Variants in XPO4 observed in about 807,000 individuals in gnomAD.
XPO4 encodes the protein exportin-4.
A neutral mutation model predicts 143.0 loss-of-function variants in XPO4; 39 were observed. That is an observed-to-expected ratio of 0.27 (90% CI 0.21 to 0.36). XPO4 has a LOEUF of 0.36. XPO4 is among the 10% of genes least tolerant of loss of function. The probability of loss-of-function intolerance (pLI) is 1.00; values close to 1 mark genes in which losing one functional copy is unlikely to be tolerated. For missense variants in XPO4, 907 were observed against 1,348.0 expected (o/e 0.67, Z 5.12); for synonymous variants, 439 against 474.0 (o/e 0.93, Z 0.96).
intron 9 of XPO4, among the ~76,000 whole-genome samples, chr13:20,818,846 GT>G (rs1484550986): frequency 6.6e-6 from 1 of 151,650 alleles, no homozygotes; most frequent in Non-Finnish European, 1.5e-5. Context: ...TTGAGATGGA[GT>G]TTCGTTCTTG....
intron 4 of XPO4, among the ~76,000 whole-genome samples, chr13:20,854,252 C>T (rs866453608): frequency 2.6e-5 from 4 of 152,256 alleles, no homozygotes; most frequent in Middle Eastern, 3.4e-3. Context: ...TATCAGTCTG[C>T]GGTCCTAAGC....
At chr13:20,851,393 T>A (rs981438760) in intron 4 of XPO4, 3 of 985,406 alleles carry the variant, frequency 3.0e-6, no homozygotes, top group Non-Finnish European at 3.6e-6. Context: ...TTCCTACTAT[T>A]ACAGTAGTTC....
At chr13:20,790,401 A>G (rs1336754408) in intron 19 of XPO4, 61 bp downstream of exon 19, 1 of 1,271,110 alleles carries the variant, frequency 7.9e-7, no homozygotes, top group African/African-American at 1.5e-5. Context: ...ATTCTTGTCT[A>G]AAGTATCTTT....
intron 22 of XPO4, among the ~76,000 whole-genome samples, 192 bp downstream of exon 22, chr13:20,786,773 C>A (rs906830261): frequency 6.6e-6 from 1 of 152,142 alleles, no homozygotes; most frequent in African/African-American, 2.4e-5. Context: ...AACTGACAAA[C>A]AGCTGTCAGA....
At chr13:20,830,493 C>T (rs1270146929) in intron 6 of XPO4, among the ~76,000 whole-genome samples, 1 of 152,078 alleles carries the variant, frequency 6.6e-6, no homozygotes, top group Non-Finnish European at 1.5e-5. Flanking sequence ...GGTTATACCA[C>T]TAATAATACC....
At chr13:20,873,319 T>C (rs895717225) in intron 1 of XPO4, among the ~76,000 whole-genome samples, 2 of 152,112 alleles carry the variant, frequency 1.3e-5, no homozygotes, top group Non-Finnish European at 2.9e-5. Context: ...TACTAATGAA[T>C]AGATTAACTG....
intron 1 of XPO4, 101 bp downstream of exon 1, chr13:20,902,569 G>T: frequency 7.2e-7 from 1 of 1,388,736 alleles, no homozygotes; most frequent in African/African-American, 1.5e-5. Flanking sequence ...GCTCCCTGCA[G>T]GCCCTTGCCA....
At position 20,822,274 on chromosome 13, in the gene XPO4, T is replaced by C. The variant is rs2137961311; in HGVS notation, c.856A>G (p.Arg286Gly). ...TCTTGTGCCATATCTGAATCTTCTC[T>C]GATTTTTCGATGTACCTGTTAGAAA... ...ELFFTVHRKI[R>G]EDSDMAQDSL... is the part of the protein sequence containing the mutation. The change falls in exon 8 of 23, where the codon AGA (arginine) becomes GGA (glycine). Residue 286 changes from arginine (R) to glycine (G), a missense_variant. Transcript: ENST00000255305. The C allele has an allele frequency of 6.2e-7, 1 of 1,612,268 alleles. No homozygotes were observed. Among genetic ancestry groups the C allele is most frequent in the African/African-American group, 1.3e-5 (1 of 74,920 alleles).
chr13:20,893,915 C>A (rs1297438216), intron 1 of XPO4, among the ~76,000 whole-genome samples: 1 of 152,182 alleles, frequency 6.6e-6, no homozygotes, highest in African/African-American at 2.4e-5. Context: ...ATGATCTTGG[C>A]TCACTGCATT....
At chr13:20,882,102 TC>T (rs1266885209) in intron 1 of XPO4, among the ~76,000 whole-genome samples, 1 of 100,104 alleles carries the variant, frequency 1.0e-5, no homozygotes, top group Admixed American at 1.1e-4. Context: ...AGAGTAAGAC[TC>T]GGTCTCAAAA....
At chr13:20,861,775 CTCTTTTTTTTTT>C (rs2060201762) in intron 3 of XPO4, among the ~76,000 whole-genome samples, 2 of 123,258 alleles carry the variant, frequency 1.6e-5, no homozygotes. Context: ...GCACATTTCT[CTCTTTTTTTTTT>C]TTTTTTTTTT....
intron 6 of XPO4, among the ~76,000 whole-genome samples, chr13:20,841,507 T>C (rs1056153295): frequency 6.6e-6 from 1 of 152,160 alleles, no homozygotes; most frequent in African/African-American, 2.4e-5. Context: ...AGTTGGTTAT[T>C]GGGAGAAAGA....
At chr13:20,791,245 T>TAA (rs2059276508) in intron 18 of XPO4, among the ~76,000 whole-genome samples, 1 of 152,136 alleles carries the variant, frequency 6.6e-6, no homozygotes, top group Non-Finnish European at 1.5e-5. Flanking sequence ...ATACAAATTT[T>TAA]AAAAAGATAC....
chr13:20,794,757 A>G (rs978065692), intron 18 of XPO4, among the ~76,000 whole-genome samples: 1 of 152,118 alleles, frequency 6.6e-6, no homozygotes, highest in Non-Finnish European at 1.5e-5. Flanking sequence ...AAAGAAAGAA[A>G]AAGTTAAGAA....
intron 9 of XPO4, among the ~76,000 whole-genome samples, chr13:20,817,111 G>A (rs2059659276): frequency 6.6e-6 from 1 of 152,200 alleles, no homozygotes; most frequent in South Asian, 2.1e-4. Context: ...CCTTTCATGG[G>A]TGAAGGTGCA....
At chr13:20,793,838 G>A (rs1273953484) in intron 18 of XPO4, among the ~76,000 whole-genome samples, 1 of 152,116 alleles carries the variant, frequency 6.6e-6, no homozygotes, top group Non-Finnish European at 1.5e-5. Context: ...CCTTATTGTT[G>A]GTACAAGTCC....
intron 1 of XPO4, among the ~76,000 whole-genome samples, chr13:20,876,703 G>A (rs765530015): frequency 1.3e-5 from 2 of 152,100 alleles, no homozygotes; most frequent in Admixed American, 1.3e-4. Context: ...TAAATTTAAA[G>A]GCACCATTAA....
chr13:20,875,100 A>G (rs567276686), intron 1 of XPO4, among the ~76,000 whole-genome samples: 2 of 152,366 alleles, frequency 1.3e-5, no homozygotes, highest in East Asian at 3.9e-4. Flanking sequence ...AGAAAACGAT[A>G]GATGTACCAA....
chr13:20,801,176 GGA>G (rs2059427664), intron 13 of XPO4, among the ~76,000 whole-genome samples, 186 bp from the exon 14 acceptor site: 1 of 152,134 alleles, frequency 6.6e-6, no homozygotes, highest in Non-Finnish European at 1.5e-5. Flanking sequence ...TCACGAAGCA[GGA>G]GACAAGATAA....
Sources: gnomAD v4.1 joint callset for allele counts (sites outside exome capture counted in the v4.1 genomes callset) on GRCh38, gnomAD v4.1.1 for gene constraint, MANE v1.5 for transcripts, NCBI Gene and HGNC (gene_info 2026-07-23, HGNC 2026-07-21) for gene names.